NOL3: variants seen among roughly 807,000 people sequenced by gnomAD.
NOL3 encodes the protein muscle-enriched cytoplasmic protein.
Under a neutral mutation model 19.2 loss-of-function variants are expected in NOL3, and 18 were observed. The ratio of observed to expected loss-of-function variants is 0.94; its 90% confidence interval spans 0.65 to 1.39. The LOEUF (loss-of-function observed/expected upper bound fraction) is 1.39, where lower values mean the gene tolerates loss of function less well. Among genes scored for constraint, NOL3 ranks in the 40% most tolerant of loss-of-function variants. The pLI, the probability that NOL3 is intolerant of heterozygous loss-of-function variation, is 0.00. For synonymous variants in NOL3, 127 were observed against 137.3 expected (o/e 0.93, Z 0.52); for missense variants, 290 against 289.5 (o/e 1.00, Z -0.01).
At chr16:67,174,750 C>T (rs768328284) in exon 3 of NOL3, 1 of 1,610,084 alleles carries the variant, frequency 6.2e-7, no homozygotes, top group Non-Finnish European at 8.5e-7. Flanking sequence ...CCTGAGGGCT[C>T]CGAGGCGGTG....
chr16:67,175,029 T>C lies in NOL3; in HGVS notation c.620-18T>C, dbSNP rs769160951. 1 of 1,614,018 alleles carries C rather than the reference T, an allele frequency of 6.2e-7. No homozygotes were observed. Among genetic ancestry groups the C allele is most frequent in the Non-Finnish European group, 8.5e-7 (1 of 1,179,896 alleles). On this transcript the variant is annotated intron_variant, in intron 3 of 3. Transcript: ENST00000268605. The stretch of plus-strand genomic sequence containing the variant: ...TGCCGGACCCCACCTCTTTGACCAC[T>C]GTTCCCGTCATCTCTAGATTCCTGA...
At chr16:67,175,473 C>A in exon 4 of NOL3, 1 of 443,256 alleles carries the variant, frequency 2.3e-6, no homozygotes, top group Non-Finnish European at 3.1e-6. Context: ...AGTTCCTGAG[C>A]TGAACATGGA....
exon 4 of NOL3, chr16:67,175,383 C>T: frequency 8.2e-7 from 1 of 1,222,784 alleles, no homozygotes; most frequent in South Asian, 2.9e-5. Context: ...AAGGACCTGA[C>T]CCTCCTGCCC....
intron 2 of NOL3, 36 bp downstream of exon 2, chr16:67,174,500 G>C: frequency 1.4e-6 from 2 of 1,470,432 alleles, no homozygotes; most frequent in Non-Finnish European, 1.8e-6. Context: ...GCAGAGCAGG[G>C]ACGGGGCTGG....
At chr16:67,172,608 CA>C (rs5817617) in intron 1 of NOL3, among the ~76,000 whole-genome samples, 42,951 of 119,992 alleles carry the variant, frequency 0.36, 6,482 homozygotes, top group Admixed American at 0.37. Context: ...GAGACTCTGT[CA>C]AAAAAAAAAA....
rs1382376277 is a variant in NOL3, at chr16:67,174,770, AC to A, written c.449del (p.Pro150ArgfsTer74). On this transcript the variant is annotated frameshift_variant, in exon 3 of 4. Transcript: ENST00000268605. LOFTEE classifies it high-confidence loss of function. The stretch of plus-strand genomic sequence containing the variant: ...GGGCTCCGAGGCGGTGCAATCCGGG[AC>A]CCCGGAGGAGCCAGAGCCAGAGCTG... 1.9e-6 allele frequency: 3 copies of A among 1,608,378 alleles called. No homozygotes were observed. In the Admixed American group the frequency reaches 5.1e-5, roughly 27 times the overall value.
rs1409538629 is a variant in NOL3 at position 67,174,233 on chromosome 16, A to ACG, written c.66_67dup (p.Leu23ArgfsTer202). On this transcript the variant is annotated frameshift_variant, in exon 2 of 4. Transcript: ENST00000268605. LOFTEE classifies it high-confidence loss of function. ...CCGCGAGCGGAAACGCCTGGTCGAG[A>ACG]CGCTGCAGGCGGACTCGGGACTGCT... is the stretch of plus-strand genomic sequence containing the variant. 2 of 1,613,080 alleles carry ACG rather than the reference A, an allele frequency of 1.2e-6. No homozygotes were observed. Among genetic ancestry groups the ACG allele is most frequent in the African/African-American group, 2.7e-5 (2 of 75,076 alleles).
chr16:67,174,059 C>A, intron 1 of NOL3, 103 bp from the exon 2 acceptor site: 1 of 1,570,586 alleles, frequency 6.4e-7, no homozygotes, highest in Non-Finnish European at 8.6e-7. Context: ...GAACTTAAAC[C>A]CCAGCCTGGG....
In NOL3 at chr16:67,170,627, G is replaced by C. The variant is rs867090609; in HGVS notation, c.-9+53G>C. The C allele has an allele frequency of 4.5e-4, 69 of 152,352 alleles. No individual in the cohort carries two copies. The highest frequency in any genetic ancestry group is 1.6e-3 in the African/African-American group (67 of 41,570). The allele number at this position is 152,352 out of a possible 1,614,324, so 9.4% of individuals were successfully genotyped here. A position where few individuals can be genotyped will look rare whatever the true frequency, so the allele number is the denominator to read the frequency against. ...GACCGGGAGCCCCACTCCCGGCTGT[G>C]GGAGGGAAGGGAAACCGAGATTGGG... On this transcript the variant is annotated intron_variant, in intron 1 of 3. Transcript: ENST00000268605. The surrounding 1 kb of genome is among the most constrained non-coding windows in gnomAD (Gnocchi z 5.7).
At chr16:67,173,583 G>A (rs1169579202) in intron 1 of NOL3, among the ~76,000 whole-genome samples, 3 of 152,100 alleles carry the variant, frequency 2.0e-5, no homozygotes, top group African/African-American at 4.8e-5. Flanking sequence ...ATGGAAGCAG[G>A]GAGCTCTGAT....
intron 1 of NOL3, chr16:67,173,674 G>A (rs2031907624): frequency 1.7e-6 from 1 of 596,178 alleles, no homozygotes; most frequent in Non-Finnish European, 3.0e-6. Context: ...ATATTCAGCA[G>A]TCAGACTGGA....
At chr16:67,173,420 T>C (rs1021895184) in intron 1 of NOL3, among the ~76,000 whole-genome samples, 14 of 152,108 alleles carry the variant, frequency 9.2e-5, no homozygotes, top group African/African-American at 2.9e-4. Flanking sequence ...GGAGACTACA[T>C]TGGGGTTGCA....
exon 3 of NOL3, chr16:67,174,622 C>T: frequency 6.5e-7 from 1 of 1,529,696 alleles, no homozygotes; most frequent in Non-Finnish European, 8.7e-7. Flanking sequence ...CCGCCCCAGG[C>T]TACCGGGACC....
intron 1 of NOL3, chr16:67,172,088 G>C (rs527349751): frequency 6.6e-6 from 1 of 152,148 alleles, no homozygotes; most frequent in Non-Finnish European, 1.5e-5. Flanking sequence ...AGAGAAGGCC[G>C]AGCCTCCTAG....
At chr16:67,171,173 C>T (rs549567414) in intron 1 of NOL3, 51 of 152,500 alleles carry the variant, frequency 3.3e-4, no homozygotes, top group Non-Finnish European at 4.6e-4. Flanking sequence ...CTCTCCCTTC[C>T]TTTGCCCACC....
exon 2 of NOL3, chr16:67,174,305 G>C: frequency 6.2e-7 from 1 of 1,609,266 alleles, no homozygotes; most frequent in Non-Finnish European, 8.5e-7. Flanking sequence ...GCCAGAGTAC[G>C]AGGCATTGGA....
intron 1 of NOL3, 83 bp from the exon 2 acceptor site, chr16:67,174,079 G>A (rs2031945503): frequency 1.3e-6 from 2 of 1,590,558 alleles, no homozygotes; most frequent in South Asian, 1.1e-5. Flanking sequence ...GTGTTCACTG[G>A]GGGCATTGAG....
chr16:67,174,420 C>T (rs1214188113), exon 2 of NOL3: 1 of 1,525,064 alleles, frequency 6.6e-7, no homozygotes, highest in Non-Finnish European at 8.8e-7. Context: ...CAGCGTACCG[C>T]GGGCGCGCCG....
chr16:67,173,997 T>C (rs1323767670), intron 1 of NOL3, 165 bp from the exon 2 acceptor site: 6 of 1,540,902 alleles, frequency 3.9e-6, no homozygotes, highest in Non-Finnish European at 5.2e-6. Context: ...GTTCCCCGTG[T>C]TGGCCTCCAG....
Sources: allele counts gnomAD v4.1 joint callset (sites outside exome capture counted in the v4.1 genomes callset), GRCh38; gene constraint gnomAD v4.1.1; non-coding constraint Gnocchi (gnomAD v3.1); transcripts MANE v1.5; gene names NCBI Gene and HGNC (gene_info 2026-07-23, HGNC 2026-07-21).